The following ACAP3 variants were observed in gnomAD, a reference collection of about 807,000 sequenced individuals.
ACAP3 encodes the protein ArfGAP with coiled-coil, ankyrin repeat and PH domains 3.
In ACAP3, 56 loss-of-function variants were observed where a neutral mutation model predicts 104.1. That is an observed-to-expected ratio of 0.54 (90% confidence interval 0.43 to 0.67). ACAP3 has a LOEUF of 0.67. ACAP3 is among the 30% of genes least tolerant of loss of function. The pLI is 0.00. For synonymous variants in ACAP3, 628 were observed against 496.2 expected, an observed-to-expected ratio of 1.27 and a Z score of -3.53; for missense variants, 1,208 against 1,174.9, an observed-to-expected ratio of 1.03 and a Z score of -0.41.
chr1:1,294,190 T>C lies in ACAP3; in HGVS notation c.2149A>G (p.Ile717Val), dbSNP rs1314218378. Residue 717 changes from isoleucine (I) to valine (V), a missense_variant, in exon 22 of 24, where the codon ATC becomes GTC. Ile to Val is a conservative substitution (Grantham distance 29). Coordinates refer to ENST00000354700, the MANE Select transcript of ACAP3 (RefSeq NM_030649.3). Reference protein sequence around the residue: ...LVQAVLGGSLIVCEFLLQNGA... With the variant: ...LVQAVLGGSLVVCEFLLQNGA... ...TTTTGCAGCAGGAACTCACAGACGA[T>C]CAAGGAGCCCTGGGGAGCCGGGGCA... 1 of 1,589,422 alleles carries C rather than the reference T, an allele frequency of 6.3e-7. No homozygotes were observed. Among genetic ancestry groups the C allele is most frequent in the Non-Finnish European group, 8.6e-7 (1 of 1,168,246 alleles).
At chr1:1,299,386 G>A (rs754339656) in intron 9 of ACAP3, 30 bp from the exon 10 acceptor site, 3 of 1,528,288 alleles carry the variant, frequency 2.0e-6, no homozygotes, top group Non-Finnish European at 1.8e-6. Flanking sequence ...GGGGGTAGGG[G>A]GAGAAAGCCA....
intron 22 of ACAP3, 42 bp downstream of exon 22, chr1:1,294,048 C>T: frequency 2.0e-6 from 3 of 1,514,132 alleles, no homozygotes; most frequent in East Asian, 5.1e-5. Flanking sequence ...CCGGGGTAGG[C>T]GTGGTCGGGG....
At chr1:1,300,373 A>G (rs1641391488) in intron 6 of ACAP3, 136 bp downstream of exon 6, 2 of 1,233,618 alleles carry the variant, frequency 1.6e-6, no homozygotes, top group Non-Finnish European at 2.2e-6. Flanking sequence ...CTGCTTCCCC[A>G]TGTCTGGAGT....
intron 10 of ACAP3, 142 bp downstream of exon 10, chr1:1,299,203 T>A (rs1402603966): frequency 1.0e-5 from 12 of 1,148,366 alleles, no homozygotes; most frequent in Non-Finnish European, 1.4e-5. Context: ...AGCCAGCCCC[T>A]CACAGCCGCA....
chr1:1,297,908 C>T lies in ACAP3; in HGVS notation c.1042G>A (p.Glu348Lys), dbSNP rs146109769. The T allele has an allele frequency of 3.7e-6, 6 of 1,612,032 alleles. No individual in the cohort carries two copies. Among genetic ancestry groups the T allele is most frequent in the Non-Finnish European group, 4.2e-6 (5 of 1,179,518 alleles). ...TKSCMLQADS[E>K]KLRQAWVQAV... ...TGGACCCAGGCTTGCCGCAGCTTCT[C>T]GGAGTCAGCCTGCAGCATGCAGCTC... The change falls in exon 14 of 24, where the codon GAG becomes AAG. Residue 348 changes from glutamate (E) to lysine (K), a missense_variant. Coordinates refer to ENST00000354700, the MANE Select transcript of ACAP3 (RefSeq NM_030649.3).
chr1:1,303,719 C>T lies in ACAP3; in HGVS notation c.105+367G>A, dbSNP rs546762055. ...TGGGGCTCATGGACACGGCTCCCCC[C>T]TCCACGGCCTGTTGCCCCCTCCCCT... On this transcript the variant is annotated intron_variant, in intron 2 of 23. Transcript: ENST00000354700. The surrounding 1 kb of genome is among the most constrained non-coding windows in gnomAD (Gnocchi z 4.0). 2 of 432,756 alleles carry T rather than the reference C, an allele frequency of 4.6e-6. No individual in the cohort carries two copies. The highest frequency in any genetic ancestry group is 9.2e-5 in the East Asian group (2 of 21,728). 26.8% of individuals were successfully genotyped at this position (432,756 alleles called of 1,614,324 possible).
intron 7 of ACAP3, 27 bp from the exon 8 acceptor site, chr1:1,300,095 A>C (rs766593060): frequency 2.5e-6 from 4 of 1,609,328 alleles, no homozygotes; most frequent in Non-Finnish European, 3.4e-6. Flanking sequence ...GGTGAGGCCC[A>C]AGCACACCCG....
chr1:1,293,670 GC>G lies in ACAP3; in HGVS notation c.2398del (p.Ala800ProfsTer95). ...GCCCGGGGGACCAGGGGCAGCCTCG[GC>G]CTCGCGCATTTCCTCCGCCATGCGC... ...LARMAEEMREAEAAPGPPGAL... is the reference protein window; with the variant it reads ...LARMAEEMREXEAAPGPPGAL... On this transcript the variant is annotated frameshift_variant, in exon 24 of 24. Coordinates refer to ENST00000354700, the MANE Select transcript of ACAP3 (RefSeq NM_030649.3). LOFTEE classifies it high-confidence loss of function. 1 of 1,450,606 alleles carries G rather than the reference GC, an allele frequency of 6.9e-7. No individual in the cohort carries two copies. Among genetic ancestry groups the G allele is most frequent in the Non-Finnish European group, 9.0e-7 (1 of 1,111,516 alleles). The allele number at this position is 1,450,606 out of a possible 1,614,324, so 89.9% of individuals were successfully genotyped here.
chr1:1,306,697 T>G (rs1316486526), intron 1 of ACAP3, among the ~76,000 whole-genome samples: 1 of 152,178 alleles, frequency 6.6e-6, no homozygotes, highest in Non-Finnish European at 1.5e-5. Context: ...CAAGCACACA[T>G]GTGCAAACAT....
intron 11 of ACAP3, 45 bp downstream of exon 11, chr1:1,298,522 A>T (rs750292262): frequency 4.4e-6 from 1 of 229,072 alleles, no homozygotes; most frequent in Non-Finnish European, 8.2e-6. Context: ...TGAGGACCCC[A>T]CCCCCGCCTA....
Position 1,296,405 on chromosome 1 carries a change from C to A in ACAP3, c.1337+20G>T. On this transcript the variant is annotated intron_variant, in intron 15 of 23. Coordinates refer to ENST00000354700, the MANE Select transcript of ACAP3 (RefSeq NM_030649.3). ...GCTCCAGCCCAACCCCCACCCCCAGCCTGGCCCTCAGGGGCCCACCTGTGG... is the reference window on the plus strand; with the variant it reads ...GCTCCAGCCCAACCCCCACCCCCAGACTGGCCCTCAGGGGCCCACCTGTGG... 1 of 1,544,722 alleles carries A rather than the reference C, an allele frequency of 6.5e-7. No homozygotes were observed.
Position 1,296,575 on chromosome 1 carries a change from C to T in ACAP3, c.1187G>A (p.Arg396Gln), listed in dbSNP as rs1340876997. 7.1e-6 allele frequency: 11 copies of T among 1,539,766 alleles called. No individual in the cohort carries two copies. The highest frequency in any genetic ancestry group is 2.4e-5 in the East Asian group (1 of 40,910). ...TSSIDSATDT[R>Q]ERGVKGESVL... is the part of the protein sequence containing the mutation. ...ACTCTCGCCCTTCACGCCACGCTCC[C>T]GAGTGTCGGTGGCGGAGTCGATGCT... The change falls in exon 15 of 24, where the codon CGG becomes CAG. Residue 396 changes from arginine (R) to glutamine (Q), a missense_variant. By Grantham distance (43) the Arg-to-Gln change is conservative. Coordinates refer to ENST00000354700, the MANE Select transcript of ACAP3 (RefSeq NM_030649.3).
Position 1,293,529 on chromosome 1 carries a change from C to A in ACAP3, c.*35G>T. 7.3e-7 allele frequency: 1 copy of A among 1,364,754 alleles called. No homozygotes were observed. Among genetic ancestry groups the A allele is most frequent in the Admixed American group, 3.5e-5 (1 of 28,962 alleles). The allele number at this position is 1,364,754 out of a possible 1,614,324, so 84.5% of individuals were successfully genotyped here. ...ACTTCGGGGCATGCGGGGCGTCGGG[C>A]CGGGCGGGGTGGCAGCTGCCCGGCC... On this transcript the variant is annotated 3_prime_UTR_variant, in exon 24 of 24. Coordinates refer to ENST00000354700, the MANE Select transcript of ACAP3 (RefSeq NM_030649.3).
Position 1,296,127 on chromosome 1 carries a change from G to A in ACAP3, c.1408-18C>T, listed in dbSNP as rs619608. 103,882 of 1,612,068 alleles carry A rather than the reference G, an allele frequency of 0.064. 4,638 individuals are homozygous for A. The highest frequency in any genetic ancestry group is 0.18 in the East Asian group (8,068 of 44,844). On this transcript the variant is annotated intron_variant, in intron 16 of 23. Coordinates refer to ENST00000354700, the MANE Select transcript of ACAP3 (RefSeq NM_030649.3). ...CACATCAGCTAGCGGGAGACAGGGC[G>A]AGCAGGCATCAGTGCGAACCTGCAG...
rs1641372906 is a variant in ACAP3 at position 1,299,967 on chromosome 1, G to A, written c.663+6C>T. ...TGGCCCAGCCCCACCCCTCCCAAAG[G>A]CTCACCTCGGCTGCCAGCTTCTTCA... On this transcript the variant is annotated splice_donor_region_variant and intron_variant, in intron 8 of 23. Transcript: ENST00000354700. 6 of 1,607,640 alleles carry A rather than the reference G, an allele frequency of 3.7e-6. No individual in the cohort carries two copies. Among genetic ancestry groups the A allele is most frequent in the Non-Finnish European group, 5.1e-6 (6 of 1,176,150 alleles).
chr1:1,304,918 GC>G (rs1284316656), intron 1 of ACAP3: 1 of 152,398 alleles, frequency 6.6e-6, no homozygotes, highest in East Asian at 1.9e-4. Flanking sequence ...GATCCCGGCA[GC>G]CCTCCACACA....
Position 1,295,718 on chromosome 1 carries a change from C to G in ACAP3, c.1705+18G>C, listed in dbSNP as rs537815544. On this transcript the variant is annotated intron_variant, in intron 18 of 23. Transcript: ENST00000354700. ...CAAGGCAAGCCCCTCCCAGCCCTGCCGGGGCATGGCCTCCCACCTGAGGAC... is the reference window on the plus strand; with the variant it reads ...CAAGGCAAGCCCCTCCCAGCCCTGCGGGGGCATGGCCTCCCACCTGAGGAC... The G allele has an allele frequency of 6.3e-7, 1 of 1,588,598 alleles. No individual in the cohort carries two copies. The highest frequency in any genetic ancestry group is 1.1e-5 in the South Asian group (1 of 89,706).
chr1:1,298,304 A>C lies in ACAP3; in HGVS notation c.915+66T>G. The C allele has an allele frequency of 1.9e-6, 3 of 1,601,456 alleles. No homozygotes were observed. The Admixed American group carries it at 5.1e-5, about 27-fold the overall frequency. On this transcript the variant is annotated intron_variant, in intron 12 of 23. Transcript: ENST00000354700. ...GGCCCTGTGCTAACCCCAACTGACC[A>C]GTCTGCCCTGTGGCCCAGGTGGGGC... is the stretch of plus-strand genomic sequence containing the variant.
At position 1,296,532 on chromosome 1, in the gene ACAP3, C is replaced by T; in HGVS notation, c.1230G>A (p.Gln410=). The T allele has an allele frequency of 1.9e-6, 3 of 1,539,896 alleles. No homozygotes were observed. The highest frequency in any genetic ancestry group is 2.6e-6 in the Non-Finnish European group (3 of 1,146,680). ...CGCACTGGCTGTTGCCGGCCACACT[C>T]TGCACACGCTGCAGCACACTCTCGC... is the stretch of plus-strand genomic sequence containing the variant. The part of the protein sequence containing the change: ...VKGESVLQRV[Q]SVAGNSQCGD... The change falls in exon 15 of 24, where the codon CAG becomes CAA. Residue 410 remains glutamine, a synonymous_variant. Coordinates refer to ENST00000354700, the MANE Select transcript of ACAP3 (RefSeq NM_030649.3).
Sources: allele counts gnomAD v4.1 joint callset (sites outside exome capture counted in the v4.1 genomes callset), GRCh38; gene constraint gnomAD v4.1.1; non-coding constraint Gnocchi (gnomAD v3.1); transcripts MANE v1.5; gene names NCBI Gene and HGNC (gene_info 2026-07-23, HGNC 2026-07-21).